Variants in CELSR1 observed in about 807,000 individuals in gnomAD.
CELSR1 encodes cadherin EGF LAG seven-pass G-type receptor 1, also known as adhesion G protein-coupled receptor C1.
Under a neutral mutation model 249.1 loss-of-function variants are expected in CELSR1, and 110 were observed. That is an observed-to-expected ratio of 0.44 (90% CI 0.38 to 0.52). The LOEUF (loss-of-function observed/expected upper bound fraction) is 0.52, where lower values mean the gene tolerates loss of function less well. CELSR1 is among the 20% of genes least tolerant of loss of function. CELSR1 has a pLI of 0.00. For missense variants in CELSR1, 4,109 were observed against 4,296.4 expected, an observed-to-expected ratio of 0.96 and a Z score of 1.22; for synonymous variants, 2,113 against 1,900.0, an observed-to-expected ratio of 1.11 and a Z score of -2.92.
rs533241940 is a variant in CELSR1 at position 46,380,317 on chromosome 22, G to A, written c.7256+471C>T. Among the ~76,000 whole-genome samples, 80 of 152,332 alleles carry A rather than the reference G, an allele frequency of 5.3e-4. No individual in the cohort carries two copies. The highest frequency in any genetic ancestry group is 8.7e-4 in the Non-Finnish European group (59 of 68,026). Reference sequence around the variant, plus strand: ...CTGCGGCCAGGTGTGGCCTCTTGGGGGTGAAGCCAGTCCCCACAGCTAGAC... The same window carrying A: ...CTGCGGCCAGGTGTGGCCTCTTGGGAGTGAAGCCAGTCCCCACAGCTAGAC... On this transcript the variant is annotated intron_variant, in intron 22 of 34. Coordinates refer to ENST00000674500, the MANE Select transcript of CELSR1 (RefSeq NM_001378328.1). This position sits in a 1 kb window ranked among gnomAD's most constrained non-coding sequence, Gnocchi z 5.1.
chr22:46,433,237 G>A lies in CELSR1; in HGVS notation c.4611+156C>T, dbSNP rs933739475. ...TTTGGTAGAGACAGGGTTTCGCCAC[G>A]TTGGCCAAGCTGGTCTCGAGCTCCT... is the stretch of plus-strand genomic sequence containing the variant. On this transcript the variant is annotated intron_variant, in intron 5 of 34. Coordinates refer to ENST00000674500, the MANE Select transcript of CELSR1 (RefSeq NM_001378328.1). This position sits in a 1 kb window ranked among gnomAD's most constrained non-coding sequence, Gnocchi z 5.7. Among the ~76,000 whole-genome samples, 1 of 152,142 alleles carries A rather than the reference G, an allele frequency of 6.6e-6. No homozygotes were observed. The highest frequency in any genetic ancestry group is 1.5e-5 in the Non-Finnish European group (1 of 68,034).
At chr22:46,529,067 C>T (rs2080766676) in intron 1 of CELSR1, among the ~76,000 whole-genome samples, 2 of 151,600 alleles carry the variant, frequency 1.3e-5, no homozygotes, top group Admixed American at 6.6e-5. Context: ...AGATCGACAC[C>T]ATCTTGGCTA....
intron 12 of CELSR1, among the ~76,000 whole-genome samples, chr22:46,397,157 G>A (rs2079156671): frequency 6.6e-6 from 1 of 152,096 alleles, no homozygotes; most frequent in Non-Finnish European, 1.5e-5. Flanking sequence ...AGGCTGAGGT[G>A]CAGTGGCATG....
In CELSR1 at chr22:46,484,746, G is replaced by T. The variant is rs1008042792; in HGVS notation, c.3545-20401C>A. ...CCCGCCCAGGTGCTGGGGAGGTCCG[G>T]CTGCTGCCTGAGGTCTCCAAACACT... On this transcript the variant is annotated intron_variant, in intron 1 of 34. Transcript: ENST00000674500. The surrounding 1 kb of genome is among the most constrained non-coding windows in gnomAD (Gnocchi z 4.5). 7.0e-6 allele frequency among the ~76,000 whole-genome samples: 1 copy of T among 141,878 alleles called. No homozygotes were observed. The highest frequency in any genetic ancestry group is 2.6e-5 in the African/African-American group (1 of 38,636). The allele number at this position is 141,878 out of a possible 152,430, so 93.1% of individuals were successfully genotyped here.
chr22:46,469,887 G>A (rs1441315130), intron 1 of CELSR1, among the ~76,000 whole-genome samples: 1 of 131,952 alleles, frequency 7.6e-6, no homozygotes, highest in East Asian at 2.2e-4. Context: ...GAACCTGTAG[G>A]TCTTGTTCCT....
In CELSR1 at chr22:46,447,549, C is replaced by A. The variant is rs958209639; in HGVS notation, c.4184-8138G>T. 6.6e-6 allele frequency among the ~76,000 whole-genome samples: 1 copy of A among 152,182 alleles called. No homozygotes were observed. The highest frequency in any genetic ancestry group is 1.5e-5 in the Non-Finnish European group (1 of 68,018). Reference sequence around the variant, plus strand: ...CCACCTGGGCAAACCTATTGCTGTGCTCACTCACGCATGCAGCCTGCCAAA... The same window carrying A: ...CCACCTGGGCAAACCTATTGCTGTGATCACTCACGCATGCAGCCTGCCAAA... On this transcript the variant is annotated intron_variant, in intron 2 of 34. Coordinates refer to ENST00000674500, the MANE Select transcript of CELSR1 (RefSeq NM_001378328.1). The surrounding 1 kb of genome is among the most constrained non-coding windows in gnomAD (Gnocchi z 4.7).
Position 46,381,878 on chromosome 22 carries a change from G to A in CELSR1, c.7056C>T (p.Pro2352=), listed in dbSNP as rs754816169. 37 of 1,571,406 alleles carry A rather than the reference G, an allele frequency of 2.4e-5. No individual in the cohort carries two copies. Among genetic ancestry groups the A allele is most frequent in the Admixed American group, 1.8e-5 (1 of 54,634 alleles). ...TGCGACGGTCGGGGTCGTAGCGCTC[G>A]GGCAGGAGCTGCCCCAGGGTGCGGT... ...IIYRTLGQLL[P]ERYDPDRRSL... The change falls in exon 21 of 35, where the codon CCC becomes CCT. Residue 2352 remains proline (P), a synonymous_variant. Coordinates refer to ENST00000674500, the MANE Select transcript of CELSR1 (RefSeq NM_001378328.1). The surrounding 1 kb of genome is among the most constrained non-coding windows in gnomAD (Gnocchi z 6.0).
rs2080851590 is a variant in CELSR1, at chr22:46,536,082, C to T, written c.1089G>A (p.Arg363=). ...FEQSEYRERV[R]ENLEVGYEVL... Reference sequence around the variant, plus strand: ...CCTCGTAGCCCACCTCCAGGTTCTCCCGCACGCGCTCGCGGTACTCCGACT... The same window carrying T: ...CCTCGTAGCCCACCTCCAGGTTCTCTCGCACGCGCTCGCGGTACTCCGACT... Residue 363 remains arginine, a synonymous_variant, in exon 1 of 35, where the codon CGG becomes CGA. Transcript: ENST00000674500. The T allele has an allele frequency of 1.9e-6, 3 of 1,611,548 alleles. No homozygotes were observed. Among genetic ancestry groups the T allele is most frequent in the Non-Finnish European group, 2.5e-6 (3 of 1,179,970 alleles).
rs911383151 is a variant in CELSR1 at position 46,518,328 on chromosome 22, C to T, written c.3544+15299G>A. On this transcript the variant is annotated intron_variant, in intron 1 of 34. Coordinates refer to ENST00000674500, the MANE Select transcript of CELSR1 (RefSeq NM_001378328.1). The surrounding 1 kb of genome is among the most constrained non-coding windows in gnomAD (Gnocchi z 5.2). ...CCTGTGGGGGCACCATCAGCAGGGG[C>T]GCTCAGCCCGTGCCACACTCAGTCT... Among the ~76,000 whole-genome samples, 2 of 152,212 alleles carry T rather than the reference C, an allele frequency of 1.3e-5. No homozygotes were observed. The highest frequency in any genetic ancestry group is 6.5e-5 in the Admixed American group (1 of 15,280).
intron 1 of CELSR1, among the ~76,000 whole-genome samples, chr22:46,513,117 C>T (rs1044856238): frequency 1.4e-4 from 21 of 152,198 alleles, no homozygotes; most frequent in Admixed American, 7.9e-4. Flanking sequence ...ACCACCATCA[C>T]GGGCGCCTCT....
At position 46,410,812 on chromosome 22, in the gene CELSR1, C is replaced by T. The variant is rs570329893; in HGVS notation, c.4770-251G>A. Reference sequence around the variant, plus strand: ...GCTCACCAGTGACCACCAAGCCCCGCCCACCCAGGCTGGTCCACACCGAGA... The same window carrying T: ...GCTCACCAGTGACCACCAAGCCCCGTCCACCCAGGCTGGTCCACACCGAGA... On this transcript the variant is annotated intron_variant, in intron 6 of 34. Coordinates refer to ENST00000674500, the MANE Select transcript of CELSR1 (RefSeq NM_001378328.1). This position sits in a 1 kb window ranked among gnomAD's most constrained non-coding sequence, Gnocchi z 6.8. 3.3e-5 allele frequency among the ~76,000 whole-genome samples: 5 copies of T among 151,994 alleles called. No individual in the cohort carries two copies. The highest frequency in any genetic ancestry group is 4.4e-5 in the Non-Finnish European group (3 of 68,008).
At chr22:46,515,082 C>T (rs1602231249) in intron 1 of CELSR1, among the ~76,000 whole-genome samples, 1 of 152,174 alleles carries the variant, frequency 6.6e-6, no homozygotes, top group East Asian at 1.9e-4. Flanking sequence ...TGAGAAAAGG[C>T]TGTCTGGCAG....
intron 1 of CELSR1, among the ~76,000 whole-genome samples, chr22:46,498,324 G>C (rs1303467797): frequency 7.6e-6 from 1 of 130,854 alleles, no homozygotes; most frequent in African/African-American, 2.9e-5. Context: ...AGATAGTCCA[G>C]TGGGATCAGC....
intron 2 of CELSR1, among the ~76,000 whole-genome samples, chr22:46,457,010 T>C (rs2079962836): frequency 6.6e-6 from 1 of 152,028 alleles, no homozygotes; most frequent in Non-Finnish European, 1.5e-5. Flanking sequence ...ACCTACTCGG[T>C]TCCTGATTCC....
In CELSR1 at chr22:46,445,880, G is replaced by A. The variant is rs529948776; in HGVS notation, c.4184-6469C>T. On this transcript the variant is annotated intron_variant, in intron 2 of 34. Coordinates refer to ENST00000674500, the MANE Select transcript of CELSR1 (RefSeq NM_001378328.1). The surrounding 1 kb of genome is among the most constrained non-coding windows in gnomAD (Gnocchi z 4.4). ...CCAGCTCATCCTCCCACCCAGCCAG[G>A]GAGAGGTGGAGTCCTCACTGCAACC... Among the ~76,000 whole-genome samples the A allele has an allele frequency of 1.3e-5, 2 of 152,284 alleles. No homozygotes were observed. Among genetic ancestry groups the A allele is most frequent in the South Asian group, 4.1e-4 (2 of 4,830 alleles).
rs2080358526 is a variant in CELSR1, at chr22:46,490,641, G to GTGA, written c.3545-26297_3545-26296insTCA. ...AGTGAGCGTCGTGGAGCCTCCCTCA[G>GTGA]GCATGGCTGTGAGCGCCACAGCTGC... is the stretch of plus-strand genomic sequence containing the variant. On this transcript the variant is annotated intron_variant, in intron 1 of 34. Transcript: ENST00000674500. This position sits in a 1 kb window ranked among gnomAD's most constrained non-coding sequence, Gnocchi z 5.2. Among the ~76,000 whole-genome samples the GTGA allele has an allele frequency of 6.6e-6, 1 of 152,092 alleles. No individual in the cohort carries two copies. Among genetic ancestry groups the GTGA allele is most frequent in the Admixed American group, 6.5e-5 (1 of 15,270 alleles).
chr22:46,415,539 G>C (rs981401567), intron 5 of CELSR1, among the ~76,000 whole-genome samples: 2 of 151,942 alleles, frequency 1.3e-5, no homozygotes, highest in Admixed American at 6.6e-5. Context: ...CAATAGAAGT[G>C]GTGTGGTACA....
At chr22:46,532,175 A>C (rs1403201821) in intron 1 of CELSR1, among the ~76,000 whole-genome samples, 1 of 152,248 alleles carries the variant, frequency 6.6e-6, no homozygotes, top group Non-Finnish European at 1.5e-5. Flanking sequence ...CTCGTCCCTC[A>C]TTAAATCTAA....
chr22:46,435,140 C>CA (rs2147442131), intron 4 of CELSR1, among the ~76,000 whole-genome samples: 1 of 151,518 alleles, frequency 6.6e-6, no homozygotes, highest in South Asian at 2.1e-4. Context: ...TTAAAAGAGA[C>CA]AGAGTCTCGC....
Sources: gnomAD v4.1 joint callset for allele counts (sites outside exome capture counted in the v4.1 genomes callset) on GRCh38, gnomAD v4.1.1 for gene constraint, Gnocchi (gnomAD v3.1) non-coding constraint, MANE v1.5 for transcripts, NCBI Gene and HGNC (gene_info 2026-07-23, HGNC 2026-07-21) for gene names.